The following NUDT5 variants were observed in gnomAD, a reference collection of about 807,000 sequenced individuals.
NUDT5 encodes the protein ADP-sugar pyrophosphatase.
NUDT5 carries 21 observed loss-of-function variants against 34.1 expected under a neutral mutation model. That is an observed-to-expected ratio of 0.62 (90% CI 0.44 to 0.89). NUDT5 has a LOEUF of 0.89. Among genes scored for constraint, NUDT5 ranks in the 40% least tolerant of loss-of-function variants. The pLI, the probability that NUDT5 is intolerant of heterozygous loss-of-function variation, is 0.00. For missense variants in NUDT5, 249 were observed against 274.8 expected (o/e 0.91, Z 0.66); for synonymous variants, 85 against 97.6 (o/e 0.87, Z 0.76).
At chr10:12,174,810 C>G (rs1834923149) in intron 5 of NUDT5, among the ~76,000 whole-genome samples, 1 of 152,158 alleles carries the variant, frequency 6.6e-6, no homozygotes, top group African/African-American at 2.4e-5. Flanking sequence ...AGGAAGCCTG[C>G]TCATATTCTG....
rs979410667 is a variant in NUDT5 at position 12,168,028 on chromosome 10, T to A, written c.551-217A>T. On this transcript the variant is annotated intron_variant, in intron 9 of 9. Coordinates refer to ENST00000491614, the MANE Select transcript of NUDT5 (RefSeq NM_014142.4). The surrounding 1 kb of genome is among the most constrained non-coding windows in gnomAD (Gnocchi z 4.8). ...GAGACAAGAACATCAGGGATAATGA[T>A]TTTTTTTTTTTTTGGTGAGACAGTC... The A allele has an allele frequency of 2.8e-5, 7 of 253,878 alleles. No individual in the cohort carries two copies. Among genetic ancestry groups the A allele is most frequent in the Non-Finnish European group, 3.5e-5 (7 of 198,644 alleles). The allele number at this position is 253,878 out of a possible 1,614,324, so 15.7% of individuals were successfully genotyped here.
At chr10:12,179,314 C>T (rs974518161) in intron 3 of NUDT5, among the ~76,000 whole-genome samples, 182 bp from the exon 4 acceptor site, 4 of 152,230 alleles carry the variant, frequency 2.6e-5, no homozygotes, top group Non-Finnish European at 5.9e-5. Context: ...CCTATAGCTT[C>T]TGAAAATTAA....
chr10:12,180,469 C>A (rs941409805), intron 3 of NUDT5: 5 of 152,200 alleles, frequency 3.3e-5, no homozygotes, highest in Non-Finnish European at 7.3e-5. Context: ...GGGAAAAGCA[C>A]TGAAGGTCCC....
intron 1 of NUDT5, among the ~76,000 whole-genome samples, chr10:12,195,070 G>C (rs1189458414): frequency 6.6e-6 from 1 of 152,202 alleles, no homozygotes; most frequent in African/African-American, 2.4e-5. Context: ...TAAGGCAGGA[G>C]AATCACTTAA....
At chr10:12,191,463 AATG>A (rs1249183588) in intron 1 of NUDT5, among the ~76,000 whole-genome samples, 2 of 152,294 alleles carry the variant, frequency 1.3e-5, no homozygotes, top group African/African-American at 2.4e-5. Context: ...CTCCACATAT[AATG>A]ATGATTTGCG....
At position 12,167,662 on chromosome 10, in the gene NUDT5, G is replaced by A; in HGVS notation, c.*40C>T. ...ACAAAGTCTTAGTGAAGAAGGCCTG[G>A]TGGTCTCGTTTACAAAAATGGCCAG... On this transcript the variant is annotated 3_prime_UTR_variant, in exon 10 of 10. Transcript: ENST00000491614. The A allele has an allele frequency of 6.3e-7, 1 of 1,583,536 alleles. No individual in the cohort carries two copies. The highest frequency in any genetic ancestry group is 8.7e-7 in the Non-Finnish European group (1 of 1,153,956).
Position 12,166,672 on chromosome 10 carries a change from T to A in NUDT5, c.*1030A>T. ...GCTAGAAACATGACTTAGGGCTGGA[T>A]GAGAATCATCCTGAGAATTCCGTGG... On this transcript the variant is annotated 3_prime_UTR_variant, in exon 10 of 10. Coordinates refer to ENST00000491614, the MANE Select transcript of NUDT5 (RefSeq NM_014142.4). The A allele has an allele frequency of 2.0e-6, 1 of 491,432 alleles. No homozygotes were observed. Among genetic ancestry groups the A allele is most frequent in the South Asian group, 1.5e-5 (1 of 65,620 alleles). The allele number at this position is 491,432 out of a possible 1,614,324, so 30.4% of individuals were successfully genotyped here. A position where few individuals can be genotyped will look rare whatever the true frequency, so the allele number is the denominator to read the frequency against.
chr10:12,182,093 C>T lies in NUDT5; in HGVS notation c.131+2796G>A, dbSNP rs920817043. On this transcript the variant is annotated intron_variant, in intron 3 of 9. Transcript: ENST00000491614. This position sits in a 1 kb window ranked among gnomAD's most constrained non-coding sequence, Gnocchi z 4.3. ...GCAGTGAGCTGAGACCACACCATTG[C>T]ACTCTAGCCTGGGCAACAGAACAAG... is the stretch of plus-strand genomic sequence containing the variant. Among the ~76,000 whole-genome samples, 1 of 150,896 alleles carries T rather than the reference C, an allele frequency of 6.6e-6. No homozygotes were observed. The highest frequency in any genetic ancestry group is 6.6e-5 in the Admixed American group (1 of 15,168).
At chr10:12,180,971 A>G (rs973966440) in intron 3 of NUDT5, among the ~76,000 whole-genome samples, 9 of 152,326 alleles carry the variant, frequency 5.9e-5, no homozygotes, top group African/African-American at 1.7e-4. Flanking sequence ...TTATATTTCT[A>G]AAATTAACCC....
chr10:12,190,633 G>C (rs1835207600), intron 1 of NUDT5, among the ~76,000 whole-genome samples: 1 of 128,854 alleles, frequency 7.8e-6, no homozygotes, highest in Non-Finnish European at 1.6e-5. Context: ...TTTTGAGACT[G>C]AATCTCGCTG....
At chr10:12,167,896 AC>A in intron 9 of NUDT5, 85 bp from the exon 10 acceptor site, 1 of 1,577,522 alleles carries the variant, frequency 6.3e-7, no homozygotes, top group Non-Finnish European at 8.6e-7. Context: ...CGCAGCAGGT[AC>A]TACTATATGT....
At chr10:12,172,926 C>T in intron 6 of NUDT5, 60 bp from the exon 7 acceptor site, 1 of 1,257,934 alleles carries the variant, frequency 7.9e-7, no homozygotes, top group Non-Finnish European at 1.2e-6. Context: ...TCACTATGGT[C>T]TTAGGAAGAA....
At position 12,187,995 on chromosome 10, in the gene NUDT5, C is replaced by T. The variant is rs555634817; in HGVS notation, c.-41-1663G>A. Among the ~76,000 whole-genome samples, 1 of 152,074 alleles carries T rather than the reference C, an allele frequency of 6.6e-6. No individual in the cohort carries two copies. The highest frequency in any genetic ancestry group is 1.5e-5 in the Non-Finnish European group (1 of 68,020). ...AAAAATAAAAAATAAAAAAATTAGC[C>T]GGGTGTGGTGGTGGGCACCTGTAGT... On this transcript the variant is annotated intron_variant, in intron 1 of 9. Coordinates refer to ENST00000491614, the MANE Select transcript of NUDT5 (RefSeq NM_014142.4). The surrounding 1 kb of genome is among the most constrained non-coding windows in gnomAD (Gnocchi z 5.4).
chr10:12,171,647 T>G lies in NUDT5; in HGVS notation c.488-739A>C, dbSNP rs2131699900. On this transcript the variant is annotated intron_variant, in intron 7 of 9. Coordinates refer to ENST00000491614, the MANE Select transcript of NUDT5 (RefSeq NM_014142.4). The surrounding 1 kb of genome is among the most constrained non-coding windows in gnomAD (Gnocchi z 4.2). ...GAGGAACTGCCAAACTTTTCCACAG[T>G]GTCTCATATGTATATGTGCAGTTCA... 6.6e-6 allele frequency among the ~76,000 whole-genome samples: 1 copy of G among 152,270 alleles called. No individual in the cohort carries two copies. The highest frequency in any genetic ancestry group is 1.9e-4 in the East Asian group (1 of 5,194).
In NUDT5 at chr10:12,170,320, C is replaced by A; in HGVS notation, c.550+397G>T. Reference sequence around the variant, plus strand: ...GGAGCATCATCAATTTCTCCTTGAACATACAGCCTCCACAAAGGACCATCC... The same window carrying A: ...GGAGCATCATCAATTTCTCCTTGAAAATACAGCCTCCACAAAGGACCATCC... On this transcript the variant is annotated intron_variant, in intron 9 of 9. Transcript: ENST00000491614. The surrounding 1 kb of genome is among the most constrained non-coding windows in gnomAD (Gnocchi z 4.9). 1 of 914,948 alleles carries A rather than the reference C, an allele frequency of 1.1e-6. No homozygotes were observed. The highest frequency in any genetic ancestry group is 1.7e-6 in the Non-Finnish European group (1 of 584,258). The allele number at this position is 914,948 out of a possible 1,614,324, so 56.7% of individuals were successfully genotyped here.
At chr10:12,193,749 G>A (rs750099151) in intron 1 of NUDT5, among the ~76,000 whole-genome samples, 3 of 152,160 alleles carry the variant, frequency 2.0e-5, no homozygotes, top group African/African-American at 7.2e-5. Flanking sequence ...TGAATAAAAG[G>A]TATCTATAAA....
chr10:12,192,835 A>T (rs1217947731), intron 1 of NUDT5, among the ~76,000 whole-genome samples: 1 of 152,260 alleles, frequency 6.6e-6, no homozygotes, highest in African/African-American at 2.4e-5. Flanking sequence ...TGGGCGACAG[A>T]GCGAGACTCT....
At chr10:12,172,182 C>CA (rs1834869959) in intron 7 of NUDT5, among the ~76,000 whole-genome samples, 1 of 152,124 alleles carries the variant, frequency 6.6e-6, no homozygotes. Context: ...ACGGAATTGA[C>CA]AGAGACATCA....
At position 12,181,568 on chromosome 10, in the gene NUDT5, G is replaced by A. The variant is rs1588659434; in HGVS notation, c.132-2436C>T. On this transcript the variant is annotated intron_variant, in intron 3 of 9. Coordinates refer to ENST00000491614, the MANE Select transcript of NUDT5 (RefSeq NM_014142.4). The surrounding 1 kb of genome is among the most constrained non-coding windows in gnomAD (Gnocchi z 5.0). The stretch of plus-strand genomic sequence containing the variant: ...ACCCCACAATGAGTCATGCACATAG[G>A]TCTCAGCCCTGTGTAGGGTGTTGTG... 6.6e-6 allele frequency among the ~76,000 whole-genome samples: 1 copy of A among 152,180 alleles called. No homozygotes were observed.
Sources: gnomAD v4.1 joint callset for allele counts (sites outside exome capture counted in the v4.1 genomes callset) on GRCh38, gnomAD v4.1.1 for gene constraint, Gnocchi (gnomAD v3.1) non-coding constraint, MANE v1.5 for transcripts, NCBI Gene and HGNC (gene_info 2026-07-23, HGNC 2026-07-21) for gene names.